OR2AT4: variants seen among roughly 807,000 people sequenced by gnomAD.
OR2AT4 encodes olfactory receptor family 2 subfamily AT member 4.
Under a neutral mutation model 10.3 loss-of-function variants are expected in OR2AT4, and 6 were observed. That is an observed-to-expected ratio of 0.58 (90% CI 0.32 to 1.15). The LOEUF is 1.15. Ranked by LOEUF, OR2AT4 falls within the 50% of genes most tolerant of loss-of-function variation. The pLI is 0.05. For missense variants in OR2AT4, 354 were observed against 393.8 expected (o/e 0.90, Z 0.85); for synonymous variants, 145 against 159.1 (o/e 0.91, Z 0.67).
chr11:75,090,690 G>T (rs1014700717), intron 1 of OR2AT4, among the ~76,000 whole-genome samples: 1 of 152,138 alleles, frequency 6.6e-6, no homozygotes, highest in Non-Finnish European at 1.5e-5. Flanking sequence ...GAAATTTGAG[G>T]CACTCTAAAT....
intron 1 of OR2AT4, among the ~76,000 whole-genome samples, chr11:75,094,167 A>C (rs1414497026): frequency 1.3e-5 from 2 of 151,978 alleles, no homozygotes; most frequent in Admixed American, 1.3e-4. Flanking sequence ...AAAAAGATCC[A>C]GGGCTTTCCC....
At chr11:75,083,307 T>A (rs1199973225) in exon 2 of OR2AT4, 7 of 152,072 alleles carry the variant, frequency 4.6e-5, no homozygotes, top group African/African-American at 1.4e-4. Flanking sequence ...ATGCTCAACA[T>A]CACTAATCAT....
chr11:75,083,311 T>A (rs989473560), exon 2 of OR2AT4: 10 of 152,122 alleles, frequency 6.6e-5, no homozygotes, highest in African/African-American at 2.2e-4. Flanking sequence ...TCAACATCAC[T>A]AATCATCAGA....
chr11:75,085,982 G>T (rs1949288343), exon 2 of OR2AT4: 1 of 152,082 alleles, frequency 6.6e-6, no homozygotes, highest in Non-Finnish European at 1.5e-5. Flanking sequence ...ATCGGTAAAG[G>T]ATAGACATAT....
exon 2 of OR2AT4, chr11:75,083,512 C>G (rs1397489432): frequency 6.6e-6 from 1 of 152,118 alleles, no homozygotes; most frequent in Non-Finnish European, 1.5e-5. Context: ...TAAAATAGAG[C>G]TATCATTTGA....
intron 1 of OR2AT4, among the ~76,000 whole-genome samples, chr11:75,092,465 G>T (rs1949324490): frequency 6.6e-6 from 1 of 152,140 alleles, no homozygotes; most frequent in East Asian, 1.9e-4. Flanking sequence ...GATATCTATA[G>T]ATATAAATAT....
intron 1 of OR2AT4, among the ~76,000 whole-genome samples, chr11:75,095,677 C>CTT (rs11314522): frequency 0.01 from 1,327 of 127,784 alleles, 16 homozygotes; most frequent in African/African-American, 0.021. Flanking sequence ...CACCTAACCT[C>CTT]TTTTTTTTTT....
At chr11:75,084,109 A>G (rs969370097) in exon 2 of OR2AT4, 1 of 152,138 alleles carries the variant, frequency 6.6e-6, no homozygotes, top group African/African-American at 2.4e-5. Context: ...TCAGAAAACC[A>G]TGTACTGCAT....
At chr11:75,092,934 T>C (rs1387089815) in intron 1 of OR2AT4, among the ~76,000 whole-genome samples, 2 of 151,850 alleles carry the variant, frequency 1.3e-5, no homozygotes, top group African/African-American at 4.8e-5. Context: ...ACCTCGTCCG[T>C]ACTAAAAATA....
exon 2 of OR2AT4, chr11:75,089,404 G>A (rs773030436): frequency 1.2e-6 from 2 of 1,614,164 alleles, no homozygotes; most frequent in East Asian, 2.2e-5. Flanking sequence ...TACATCTGCA[G>A]TAAGCAGGAA....
chr11:75,087,512 C>G (rs1949296473), exon 2 of OR2AT4: 1 of 152,154 alleles, frequency 6.6e-6, no homozygotes. Flanking sequence ...CACTTGAGCC[C>G]TAGCGGTCAA....
At chr11:75,088,731 G>T in exon 2 of OR2AT4, 10 of 1,540,792 alleles carry the variant, frequency 6.5e-6, no homozygotes, top group Non-Finnish European at 8.8e-6. Flanking sequence ...CCTGGAAGCA[G>T]AGTTAGCTGC....
chr11:75,090,905 T>C (rs1949317856), intron 1 of OR2AT4, among the ~76,000 whole-genome samples: 1 of 152,120 alleles, frequency 6.6e-6, no homozygotes, highest in African/African-American at 2.4e-5. Flanking sequence ...GCTATGTGTG[T>C]ATGTAGTGGG....
In OR2AT4 at chr11:75,090,139, T is replaced by C. The variant is rs747739090; in HGVS notation, c.-426A>G. The C allele has an allele frequency of 5.8e-6, 1 of 172,344 alleles. No homozygotes were observed. Among genetic ancestry groups the C allele is most frequent in the Non-Finnish European group, 1.3e-5 (1 of 79,712 alleles). The allele number at this position is 172,344 out of a possible 1,614,324, so 10.7% of individuals were successfully genotyped here. On this transcript the variant is annotated 5_prime_UTR_variant, in exon 2 of 2. The change abolishes an upstream ATG in the 5' untranslated region. Coordinates refer to ENST00000641504, the Ensembl canonical transcript of OR2AT4. ...CTTCTGGTCTTCATCTTAGTTTCCATGCTGTGTGGTTTAAGTTGATGTCAG... is the reference window on the plus strand; with the variant it reads ...CTTCTGGTCTTCATCTTAGTTTCCACGCTGTGTGGTTTAAGTTGATGTCAG...
chr11:75,083,041 T>C (rs893941717), exon 2 of OR2AT4: 2 of 130,370 alleles, frequency 1.5e-5, no homozygotes, highest in African/African-American at 6.0e-5. Flanking sequence ...ATCACGCCAC[T>C]GCCTTCCAGC....
At chr11:75,093,768 C>T (rs1053080554) in intron 1 of OR2AT4, among the ~76,000 whole-genome samples, 2 of 149,192 alleles carry the variant, frequency 1.3e-5, no homozygotes, top group Admixed American at 6.7e-5. Context: ...AATATCCAGG[C>T]GGCTTTTCCT....
exon 2 of OR2AT4, chr11:75,089,724 A>C (rs1217321113): frequency 1.3e-6 from 2 of 1,599,520 alleles, no homozygotes; most frequent in East Asian, 2.2e-5. Context: ...TGTGAGACAC[A>C]GCTGGATTTC....
chr11:75,089,819 A>G, exon 2 of OR2AT4: 1 of 1,139,082 alleles, frequency 8.8e-7, no homozygotes, highest in Non-Finnish European at 1.3e-6. Context: ...TAATGCTATA[A>G]TGTTTACTCT....
In OR2AT4 at chr11:75,094,546, G is replaced by C. The variant is rs2140280957; in HGVS notation, c.-652+2282C>G. On this transcript the variant is annotated intron_variant, in intron 1 of 1. Transcript: ENST00000641504. ...GAGAATTGCTTGAGACCAGGAGTTTGAGGCCAGCCTGGGCAACATAGCAAG... is the reference window on the plus strand; with the variant it reads ...GAGAATTGCTTGAGACCAGGAGTTTCAGGCCAGCCTGGGCAACATAGCAAG... Among the ~76,000 whole-genome samples, 3 of 152,232 alleles carry C rather than the reference G, an allele frequency of 2.0e-5. No homozygotes were observed. The Middle Eastern group carries it at 0.01, about 518-fold the overall frequency.
Sources: allele counts gnomAD v4.1 joint callset (sites outside exome capture counted in the v4.1 genomes callset), GRCh38; gene constraint gnomAD v4.1.1; transcripts MANE v1.5; gene names NCBI Gene and HGNC (gene_info 2026-07-23, HGNC 2026-07-21).